The following COX10 variants were observed in gnomAD, a reference collection of about 807,000 sequenced individuals.
COX10 encodes the protein protoheme IX farnesyltransferase, mitochondrial.
COX10 carries 27 observed loss-of-function variants against 37.3 expected under a neutral mutation model. The observed-to-expected ratio is 0.72, with a 90% CI of 0.53 to 1.00. COX10 has a LOEUF of 1.00. Ranked by LOEUF, COX10 falls within the 50% of genes least tolerant of loss-of-function variation. The pLI is 0.00. For synonymous variants in COX10, 222 were observed against 229.1 expected (o/e 0.97, Z 0.28); for missense variants, 475 against 563.2 (o/e 0.84, Z 1.59).
chr17:14,070,136 C>T (rs545184894), intron 1 of COX10, among the ~76,000 whole-genome samples: 2 of 152,114 alleles, frequency 1.3e-5, no homozygotes, highest in East Asian at 1.9e-4. Context: ...ACTTTTGTCT[C>T]TGTACCGCCA....
intron 6 of COX10, among the ~76,000 whole-genome samples, chr17:14,199,226 G>C (rs771231107): frequency 7.9e-5 from 12 of 152,176 alleles, no homozygotes; most frequent in Non-Finnish European, 4.4e-5. Flanking sequence ...TTAGGGAGCT[G>C]GGCCAGTGCC....
At chr17:14,185,344 A>G (rs1905993764) in intron 5 of COX10, among the ~76,000 whole-genome samples, 1 of 146,922 alleles carries the variant, frequency 6.8e-6, no homozygotes, top group Non-Finnish European at 1.5e-5. Flanking sequence ...ATATAGACTA[A>G]TTGACCTAAA....
At chr17:14,199,171 G>A (rs985153767) in intron 6 of COX10, among the ~76,000 whole-genome samples, 1 of 152,082 alleles carries the variant, frequency 6.6e-6, no homozygotes, top group Non-Finnish European at 1.5e-5. Flanking sequence ...AGGGCACTGA[G>A]GTCTTGTCAG....
rs758320502 is a variant in COX10 at position 14,069,562 on chromosome 17, A to C, written c.-44A>C. ...GCGGCGCCCAGCGTCCCGTGAGGAG[A>C]GAGGACACAGGGATCCCGGGGAGCG... On this transcript the variant is annotated 5_prime_UTR_variant, in exon 1 of 7. Transcript: ENST00000261643. The C allele has an allele frequency of 3.1e-6, 5 of 1,611,590 alleles. No individual in the cohort carries two copies. In the Admixed American group the frequency reaches 5.0e-5, roughly 16 times the overall value.
At chr17:14,134,462 T>C (rs950319670) in intron 4 of COX10, among the ~76,000 whole-genome samples, 6 of 151,880 alleles carry the variant, frequency 4.0e-5, no homozygotes, top group African/African-American at 1.2e-4. Context: ...GTTGTTCACA[T>C]TGGGAGATGA....
At chr17:14,087,387 G>A (rs1038498291) in intron 3 of COX10, among the ~76,000 whole-genome samples, 4 of 152,138 alleles carry the variant, frequency 2.6e-5, no homozygotes, top group African/African-American at 9.7e-5. Context: ...TATCCAGACA[G>A]TAGTTACACC....
At chr17:14,156,567 C>CTAGG (rs1905044784) in intron 4 of COX10, among the ~76,000 whole-genome samples, 1 of 152,144 alleles carries the variant, frequency 6.6e-6, no homozygotes, top group Non-Finnish European at 1.5e-5. Flanking sequence ...AGCTACAAGA[C>CTAGG]TAGGCTCTTA....
chr17:14,118,008 C>A (rs1033099952), intron 4 of COX10, among the ~76,000 whole-genome samples: 15 of 152,082 alleles, frequency 9.9e-5, no homozygotes, highest in Non-Finnish European at 1.9e-4. Context: ...TCTCCTCTGA[C>A]CTTCCCTGCT....
At chr17:14,091,127 G>A (rs1915517948) in intron 3 of COX10, among the ~76,000 whole-genome samples, 1 of 152,210 alleles carries the variant, frequency 6.6e-6, no homozygotes, top group South Asian at 2.1e-4. Flanking sequence ...TAGTTACTTG[G>A]TCTGCTTTTC....
At chr17:14,178,616 C>T (rs1173642483) in intron 5 of COX10, among the ~76,000 whole-genome samples, 1 of 150,872 alleles carries the variant, frequency 6.6e-6, no homozygotes, top group African/African-American at 2.4e-5. Flanking sequence ...GTGGCCTGCT[C>T]ACCACTTCAC....
intron 4 of COX10, among the ~76,000 whole-genome samples, chr17:14,106,075 G>A (rs772632054): frequency 6.6e-6 from 1 of 151,908 alleles, no homozygotes; most frequent in African/African-American, 2.4e-5. Context: ...ATGCAGTGGT[G>A]CAATCTTGGC....
chr17:14,180,956 C>T (rs978724567), intron 5 of COX10, among the ~76,000 whole-genome samples: 15 of 152,094 alleles, frequency 9.9e-5, no homozygotes, highest in Admixed American at 9.8e-4. Context: ...AGTGCAAAGT[C>T]ACTTCACTGA....
intron 4 of COX10, among the ~76,000 whole-genome samples, chr17:14,125,279 C>G (rs1490912094): frequency 6.6e-6 from 1 of 152,182 alleles, no homozygotes; most frequent in Admixed American, 6.5e-5. Flanking sequence ...TTTTGCACAA[C>G]ATTGCCAGCT....
intron 5 of COX10, among the ~76,000 whole-genome samples, chr17:14,166,785 CTTTT>C (rs57127092): frequency 2.0e-5 from 2 of 100,254 alleles, no homozygotes; most frequent in South Asian, 3.7e-4. Context: ...CTATTTCTTT[CTTTT>C]TTTTTTTTTT....
intron 3 of COX10, among the ~76,000 whole-genome samples, chr17:14,081,554 G>T (rs993384148): frequency 1.3e-5 from 2 of 152,186 alleles, no homozygotes; most frequent in African/African-American, 4.8e-5. Flanking sequence ...GTGAGAGTCA[G>T]ATTCTAAAGT....
chr17:14,156,689 C>T (rs1905047331), intron 4 of COX10, among the ~76,000 whole-genome samples: 3 of 152,132 alleles, frequency 2.0e-5, no homozygotes, highest in Non-Finnish European at 2.9e-5. Flanking sequence ...TCCCTCCTAC[C>T]CTATGCCCTT....
chr17:14,162,109 T>C (rs1186051589), intron 5 of COX10, among the ~76,000 whole-genome samples: 1 of 152,194 alleles, frequency 6.6e-6, no homozygotes, highest in Non-Finnish European at 1.5e-5. Flanking sequence ...TGGTGAAAGA[T>C]AAAAATTTTA....
At chr17:14,085,049 C>A (rs1915379406) in intron 3 of COX10, among the ~76,000 whole-genome samples, 1 of 152,158 alleles carries the variant, frequency 6.6e-6, no homozygotes, top group Non-Finnish European at 1.5e-5. Flanking sequence ...TGGAGTCAGA[C>A]TGGCTGGGTT....
intron 4 of COX10, among the ~76,000 whole-genome samples, chr17:14,110,952 C>G (rs1234573645): frequency 6.6e-6 from 1 of 152,062 alleles, no homozygotes; most frequent in Non-Finnish European, 1.5e-5. Context: ...GAATTCTAAA[C>G]TGAGCCCCCA....
Sources: gnomAD v4.1 joint callset for allele counts (sites outside exome capture counted in the v4.1 genomes callset) on GRCh38, gnomAD v4.1.1 for gene constraint, MANE v1.5 for transcripts, NCBI Gene and HGNC (gene_info 2026-07-23, HGNC 2026-07-21) for gene names.